The following HEATR1 variants were observed in gnomAD, a reference collection of about 807,000 sequenced individuals.
The protein encoded by HEATR1 is HEAT repeat containing 1.
In HEATR1, 77 loss-of-function variants were observed where a neutral mutation model predicts 248.2. The ratio of observed to expected loss-of-function variants is 0.31; its 90% CI spans 0.26 to 0.37. HEATR1 has a LOEUF of 0.37. Among genes scored for constraint, HEATR1 ranks in the 10% least tolerant of loss-of-function variants. HEATR1 has a pLI of 1.00. For missense variants in HEATR1, 2,420 were observed against 2,504.9 expected (o/e 0.97, Z 0.72); for synonymous variants, 897 against 923.1 (o/e 0.97, Z 0.51).
rs1213764481 is a variant in HEATR1, at chr1:236,596,063, T to C, written c.745-19A>G. 6 of 1,530,208 alleles carry C rather than the reference T, an allele frequency of 3.9e-6. No individual in the cohort carries two copies. The highest frequency in any genetic ancestry group is 5.4e-6 in the Non-Finnish European group (6 of 1,109,846). The allele number at this position is 1,530,208 out of a possible 1,614,324, so 94.8% of individuals were successfully genotyped here. A position where few individuals can be genotyped will look rare whatever the true frequency, so the allele number is the denominator to read the frequency against. On this transcript the variant is annotated intron_variant, in intron 6 of 44. Coordinates refer to ENST00000366582, the MANE Select transcript of HEATR1 (RefSeq NM_018072.6). ...TCAATCCCTAAATATTTTTTAAATA[T>C]AAGGAAAAATGATAAACCATATTAT...
At chr1:236,576,681 C>T in intron 21 of HEATR1, 99 bp downstream of exon 21, 1 of 1,094,066 alleles carries the variant, frequency 9.1e-7, no homozygotes, top group East Asian at 2.4e-5. Context: ...ATGACTTAGT[C>T]CATCAAAATC....
In HEATR1 at chr1:236,561,135, G is replaced by A. The variant is rs564907332; in HGVS notation, c.4646+90C>T. 4.6e-4 allele frequency: 425 copies of A among 923,940 alleles called. 3 individuals carry two copies. In the Middle Eastern group the frequency reaches 7.9e-3, roughly 17 times the overall value. 57.2% of individuals were successfully genotyped at this position (923,940 alleles called of 1,614,324 possible). A position where few individuals can be genotyped will look rare whatever the true frequency, so the allele number is the denominator to read the frequency against. On this transcript the variant is annotated intron_variant, in intron 33 of 44. Coordinates refer to ENST00000366582, the MANE Select transcript of HEATR1 (RefSeq NM_018072.6). ...CAAATGGTGAACCTGGTTGTAAAGA[G>A]TATATGAATTTTCTGTACTGTTTTT... is the stretch of plus-strand genomic sequence containing the variant.
chr1:236,603,941 A>G lies in HEATR1; in HGVS notation c.142+13T>C. The G allele has an allele frequency of 6.3e-7, 1 of 1,586,050 alleles. No individual in the cohort carries two copies. The highest frequency in any genetic ancestry group is 8.5e-7 in the Non-Finnish European group (1 of 1,172,284). The stretch of plus-strand genomic sequence containing the variant: ...CGCTTCCAAGAGCTTTTCTAAGTTA[A>G]AAGATGGCTCACCAATGGCGAAGGC... On this transcript the variant is annotated intron_variant, in intron 2 of 44. Coordinates refer to ENST00000366582, the MANE Select transcript of HEATR1 (RefSeq NM_018072.6).
chr1:236,585,804 T>C lies in HEATR1; in HGVS notation c.2049+16A>G. ...GAGAAAGAAATCCAGGGGGTGGACT[T>C]TCAAAGCATACTTACCATCTTTAAC... On this transcript the variant is annotated intron_variant, in intron 16 of 44. Coordinates refer to ENST00000366582, the MANE Select transcript of HEATR1 (RefSeq NM_018072.6). 1 of 1,610,164 alleles carries C rather than the reference T, an allele frequency of 6.2e-7. No individual in the cohort carries two copies. Among genetic ancestry groups the C allele is most frequent in the Non-Finnish European group, 8.5e-7 (1 of 1,177,842 alleles).
chr1:236,597,256 A>AAT (rs1491280860), intron 5 of HEATR1, among the ~76,000 whole-genome samples: 2 of 138,206 alleles, frequency 1.4e-5, no homozygotes, highest in Non-Finnish European at 3.1e-5. Context: ...TTAAAAAAAA[A>AAT]TTTTTTTTTT....
chr1:236,576,985 T>G, intron 20 of HEATR1, 36 bp from the exon 21 acceptor site: 2 of 1,512,042 alleles, frequency 1.3e-6, no homozygotes, highest in Non-Finnish European at 1.8e-6. Context: ...AAGAAACAAT[T>G]TTAAAAACTG....
chr1:236,594,014 A>G lies in HEATR1; in HGVS notation c.1191T>C (p.Ala397=). ...SLKNNLDHLL[A]SLLFEEYISY... ...GCATGTCAAAAATAATAGCTTACCT[A>G]GCCAACAAATGGTCTAAGTTGTTCT... Residue 397 remains alanine, a splice_region_variant and synonymous_variant, in exon 9 of 45, where the codon GCT becomes GCC. Coordinates refer to ENST00000366582, the MANE Select transcript of HEATR1 (RefSeq NM_018072.6). 1.3e-6 allele frequency: 2 copies of G among 1,568,964 alleles called. No homozygotes were observed. The highest frequency in any genetic ancestry group is 1.7e-6 in the Non-Finnish European group (2 of 1,156,536).
At chr1:236,601,998 G>T (rs2094750194) in intron 3 of HEATR1, among the ~76,000 whole-genome samples, 1 of 151,830 alleles carries the variant, frequency 6.6e-6, no homozygotes, top group South Asian at 2.1e-4. Flanking sequence ...AATTAACTGG[G>T]CGTAGTGGTA....
chr1:236,554,470 A>G, intron 42 of HEATR1, 128 bp downstream of exon 42: 1 of 787,222 alleles, frequency 1.3e-6, no homozygotes, highest in Non-Finnish European at 2.1e-6. Context: ...ACATTTCATT[A>G]AAAAGACCAG....
chr1:236,576,638 G>A (rs1013744544), intron 21 of HEATR1, 142 bp downstream of exon 21: 12 of 746,610 alleles, frequency 1.6e-5, no homozygotes, highest in Admixed American at 3.2e-5. Context: ...GGACACAGAT[G>A]TACAGATATT....
At chr1:236,594,529 C>T (rs944965426) in intron 8 of HEATR1, among the ~76,000 whole-genome samples, 1 of 152,166 alleles carries the variant, frequency 6.6e-6, no homozygotes, top group African/African-American at 2.4e-5. Flanking sequence ...TTATAATAAA[C>T]ATATGAATCT....
At chr1:236,572,295 GCTTT>G (rs1269881435) in intron 26 of HEATR1, 112 bp downstream of exon 26, 1 of 1,187,814 alleles carries the variant, frequency 8.4e-7, no homozygotes, top group Non-Finnish European at 1.2e-6. Flanking sequence ...TATAGTACTT[GCTTT>G]ATTTTACAGA....
Position 236,556,120 on chromosome 1 carries a change from G to A in HEATR1, c.5494C>T (p.Gln1832Ter), listed in dbSNP as rs747877876. 1 of 1,614,078 alleles carries A rather than the reference G, an allele frequency of 6.2e-7. No individual in the cohort carries two copies. Among genetic ancestry groups the A allele is most frequent in the Non-Finnish European group, 8.5e-7 (1 of 1,180,018 alleles). ...LLPAIKKTYK[Q>*]IEKNWKNHMG... ...CTAACCTTCCAGTTCTTCTCAATCT[G>A]CTTGTAAGTTTTTTTGATGGCGGGC... Residue 1832 changes from glutamine (Q) to a stop codon, truncating the protein, a stop_gained, in exon 38 of 45, where the codon CAG becomes TAG. Coordinates refer to ENST00000366582, the MANE Select transcript of HEATR1 (RefSeq NM_018072.6). LOFTEE classifies it high-confidence loss of function.
chr1:236,571,444 C>G lies in HEATR1; in HGVS notation c.3855G>C (p.Val1285=), dbSNP rs1558183000. The change falls in exon 28 of 45, where the codon GTG becomes GTC. Residue 1285 remains valine, a synonymous_variant. Transcript: ENST00000366582. The part of the protein sequence containing the change: ...KDILDEEKFN[V]ELIVQCIRLS... ...GGCGGATGCACTGAACTATCAACTC[C>G]ACGTTGAACTTCTCCTCATCTAAAA... The G allele has an allele frequency of 6.2e-7, 1 of 1,613,912 alleles. No individual in the cohort carries two copies. The highest frequency in any genetic ancestry group is 1.3e-5 in the African/African-American group (1 of 75,032).
Position 236,596,958 on chromosome 1 carries a change from C to A in HEATR1, c.622G>T (p.Gly208Cys), listed in dbSNP as rs763138915. Residue 208 changes from glycine to cysteine, a missense_variant, in exon 6 of 45, where the codon GGC (glycine) becomes TGC (cysteine). Coordinates refer to ENST00000366582, the MANE Select transcript of HEATR1 (RefSeq NM_018072.6). ...KSVKVFAEYPGSSAQLRVLLA... is the reference protein window; with the variant it reads ...KSVKVFAEYPCSSAQLRVLLA... ...AGCACCCTCAACTGAGCTGAGCTGC[C>A]CGGGTACTCAGCAAAAACCTGAAAC... 9 of 1,611,394 alleles carry A rather than the reference C, an allele frequency of 5.6e-6. No homozygotes were observed. Among genetic ancestry groups the A allele is most frequent in the Non-Finnish European group, 6.8e-6 (8 of 1,179,390 alleles).
At chr1:236,601,608 C>T (rs1294744927) in intron 3 of HEATR1, among the ~76,000 whole-genome samples, 1 of 151,942 alleles carries the variant, frequency 6.6e-6, no homozygotes, top group African/African-American at 2.4e-5. Flanking sequence ...GAGTTCCAGA[C>T]CAGCCTGGGC....
rs556606218 is a variant in HEATR1 at position 236,585,269 on chromosome 1, A to AT, written c.2050-54dup. ...AGTTGCTCTTGATTTTCATAAAACA[A>AT]TTTTTTCAACTCAGGTCTATCTAGG... On this transcript the variant is annotated intron_variant, in intron 16 of 44. Transcript: ENST00000366582. The AT allele has an allele frequency of 3.4e-3, 5,012 of 1,494,380 alleles. 9 individuals carry two copies. Among genetic ancestry groups the AT allele is most frequent in the Non-Finnish European group, 4.1e-3 (4,476 of 1,100,738 alleles). 92.6% of individuals were successfully genotyped at this position (1,494,380 alleles called of 1,614,324 possible).
chr1:236,580,824 A>ATTTTTTTTTTTTTTTTTTT (rs71178327), intron 20 of HEATR1, among the ~76,000 whole-genome samples: 2 of 126,654 alleles, frequency 1.6e-5, no homozygotes, highest in Non-Finnish European at 3.2e-5. Context: ...GCCTTTATCG[A>ATTTTTTTTTTTTTTTTTTT]TTTTTTTTTT....
At chr1:236,564,848 GAA>G (rs1299338187) in intron 31 of HEATR1, among the ~76,000 whole-genome samples, 187 bp from the exon 32 acceptor site, 1 of 152,148 alleles carries the variant, frequency 6.6e-6, no homozygotes, top group Non-Finnish European at 1.5e-5. Flanking sequence ...TATTTGCCAA[GAA>G]AGTACCCAGT....
Sources: gnomAD v4.1 joint callset for allele counts (sites outside exome capture counted in the v4.1 genomes callset) on GRCh38, gnomAD v4.1.1 for gene constraint, MANE v1.5 for transcripts, NCBI Gene and HGNC (gene_info 2026-07-23, HGNC 2026-07-21) for gene names.